The following MAPK4 variants were observed in gnomAD, a reference collection of about 807,000 sequenced individuals.
The protein encoded by MAPK4 is mitogen-activated protein kinase 4, also known as Erk3-related.
MAPK4 carries 22 observed loss-of-function variants against 47.7 expected under a neutral mutation model. The observed-to-expected ratio is 0.46, with a 90% CI of 0.33 to 0.66. The LOEUF is 0.66. Ranked by LOEUF, MAPK4 falls within the 30% of genes least tolerant of loss-of-function variation. MAPK4 has a pLI of 0.02. For missense variants in MAPK4, 736 were observed against 831.7 expected (o/e 0.88, Z 1.42); for synonymous variants, 390 against 365.7 (o/e 1.07, Z -0.76).
chr18:50,717,741 C>A (rs1468152946), intron 3 of MAPK4, among the ~76,000 whole-genome samples: 5 of 152,192 alleles, frequency 3.3e-5, no homozygotes, highest in Non-Finnish European at 7.3e-5. Flanking sequence ...CACGGGGAGC[C>A]GACAATCTCA....
At chr18:50,700,531 C>A (rs1295089630) in intron 2 of MAPK4, among the ~76,000 whole-genome samples, 2 of 152,196 alleles carry the variant, frequency 1.3e-5, no homozygotes, top group Non-Finnish European at 2.9e-5. Flanking sequence ...ACGCAAACAT[C>A]AGCACTCTTC....
intron 2 of MAPK4, among the ~76,000 whole-genome samples, chr18:50,692,998 G>A (rs1909312578): frequency 6.6e-6 from 1 of 152,210 alleles, no homozygotes; most frequent in African/African-American, 2.4e-5. Context: ...GCTCACGCCT[G>A]TAATCCCAGC....
chr18:50,595,803 G>A (rs2042476747), intron 1 of MAPK4, among the ~76,000 whole-genome samples: 2 of 152,170 alleles, frequency 1.3e-5, no homozygotes, highest in Non-Finnish European at 2.9e-5. Flanking sequence ...TATTAATGTA[G>A]ACTGAAATTA....
intron 1 of MAPK4, among the ~76,000 whole-genome samples, chr18:50,658,622 A>G (rs1220657484): frequency 2.6e-5 from 4 of 152,216 alleles, no homozygotes; most frequent in Non-Finnish European, 4.4e-5. Flanking sequence ...TTAAGATGCA[A>G]GTGGGGTTGC....
intron 1 of MAPK4, among the ~76,000 whole-genome samples, chr18:50,570,448 G>A (rs768008587): frequency 1.3e-5 from 2 of 152,206 alleles, no homozygotes; most frequent in Non-Finnish European, 2.9e-5. Context: ...GGGAAGTGTT[G>A]AGGCAGGAAG....
rs1911575816 is a variant in MAPK4 at position 50,731,752 on chromosome 18, A to C, written c.*1898A>C. The C allele has an allele frequency of 6.6e-6, 1 of 152,228 alleles. No homozygotes were observed. Among genetic ancestry groups the C allele is most frequent in the African/African-American group, 2.4e-5 (1 of 41,450 alleles). 9.4% of individuals were successfully genotyped at this position (152,228 alleles called of 1,614,324 possible). A position where few individuals can be genotyped will look rare whatever the true frequency, so the allele number is the denominator to read the frequency against. On this transcript the variant is annotated 3_prime_UTR_variant, in exon 6 of 6. Transcript: ENST00000400384. The stretch of plus-strand genomic sequence containing the variant: ...TACAGAGGAATTGTTATAACTACTA[A>C]TGTTTTTAAAAAATTTATTAAACAT...
In MAPK4 at chr18:50,663,937, G is replaced by C. The variant is rs372936554; in HGVS notation, c.-22G>C. The C allele has an allele frequency of 2.1e-5, 33 of 1,593,246 alleles. No individual in the cohort carries two copies. The highest frequency in any genetic ancestry group is 2.7e-5 in the Non-Finnish European group (31 of 1,167,528). On this transcript the variant is annotated 5_prime_UTR_variant, in exon 2 of 6. Transcript: ENST00000400384. ...TGACTGCCCCTGTGTTACCTGGGCA[G>C]CTCCAGATCACTGAGCCCACAATGG... is the stretch of plus-strand genomic sequence containing the variant.
At chr18:50,681,279 T>G (rs1294464063) in intron 2 of MAPK4, among the ~76,000 whole-genome samples, 2 of 152,180 alleles carry the variant, frequency 1.3e-5, no homozygotes, top group Admixed American at 1.3e-4. Flanking sequence ...ATTATAAAAG[T>G]TTTTTAAATA....
Position 50,697,595 on chromosome 18 carries a change from GAGA to G in MAPK4, c.547-17481_547-17479del, listed in dbSNP as rs1301873904. Reference sequence around the variant, plus strand: ...TGAAATCACTATAACATCTCTTTTAGAGAAGGAGGCAGGTGATCAGATCCACAG... The same window carrying G: ...TGAAATCACTATAACATCTCTTTTAGAGGAGGCAGGTGATCAGATCCACAG... On this transcript the variant is annotated intron_variant, in intron 2 of 5. Transcript: ENST00000400384. Among the ~76,000 whole-genome samples the G allele has an allele frequency of 2.0e-5, 3 of 152,160 alleles. No individual in the cohort carries two copies. In the East Asian group the frequency reaches 5.8e-4, roughly 29 times the overall value.
intron 2 of MAPK4, among the ~76,000 whole-genome samples, chr18:50,685,270 C>T (rs1908808435): frequency 2.0e-5 from 3 of 152,342 alleles, no homozygotes; most frequent in Admixed American, 6.5e-5. Context: ...CATCAGGGGC[C>T]TGGGTTCCAG....
chr18:50,687,189 T>A (rs1486457828), intron 2 of MAPK4, among the ~76,000 whole-genome samples: 1 of 152,064 alleles, frequency 6.6e-6, no homozygotes, highest in African/African-American at 2.4e-5. Context: ...GCCTGGCTAA[T>A]TTTTTTTCTA....
At chr18:50,599,370 A>G (rs1343631931) in intron 1 of MAPK4, among the ~76,000 whole-genome samples, 1 of 152,154 alleles carries the variant, frequency 6.6e-6, no homozygotes, top group African/African-American at 2.4e-5. Flanking sequence ...GTGACAATAT[A>G]TGCTTAATCC....
intron 1 of MAPK4, among the ~76,000 whole-genome samples, chr18:50,647,198 A>G (rs558830811): frequency 6.6e-6 from 1 of 152,346 alleles, no homozygotes; most frequent in Admixed American, 6.5e-5. Flanking sequence ...TCTTGATTTT[A>G]TTGCTATCCA....
intron 1 of MAPK4, among the ~76,000 whole-genome samples, chr18:50,660,257 G>A (rs983984130): frequency 6.6e-6 from 1 of 152,320 alleles, no homozygotes; most frequent in East Asian, 1.9e-4. Context: ...TCAGACAAGA[G>A]GCTGCCTGAT....
At chr18:50,641,341 A>C (rs1167132317) in intron 1 of MAPK4, among the ~76,000 whole-genome samples, 1 of 146,940 alleles carries the variant, frequency 6.8e-6, no homozygotes, top group Non-Finnish European at 1.5e-5. Context: ...AAGTTCATAC[A>C]GGTTTGTAGA....
intron 1 of MAPK4, among the ~76,000 whole-genome samples, chr18:50,615,288 A>C (rs1483742721): frequency 6.6e-6 from 1 of 152,084 alleles, no homozygotes; most frequent in Non-Finnish European, 1.5e-5. Flanking sequence ...TGCAGCCCCG[A>C]ATATTAGTTG....
intron 4 of MAPK4, among the ~76,000 whole-genome samples, chr18:50,724,809 C>G (rs3794903): frequency 6.6e-6 from 1 of 152,200 alleles, no homozygotes; most frequent in Non-Finnish European, 1.5e-5. Context: ...GGGAGCTCCT[C>G]GGAGGGATGG....
intron 1 of MAPK4, among the ~76,000 whole-genome samples, chr18:50,644,404 G>A (rs1257241837): frequency 6.6e-6 from 1 of 152,046 alleles, no homozygotes; most frequent in Non-Finnish European, 1.5e-5. Context: ...GGTATCTGGA[G>A]GGCCCCAAGC....
At chr18:50,564,150 G>T (rs899106908) in intron 1 of MAPK4, among the ~76,000 whole-genome samples, 11 of 152,208 alleles carry the variant, frequency 7.2e-5, no homozygotes, top group Admixed American at 2.0e-4. Flanking sequence ...AAGTCAGGTA[G>T]TGGCTCTCTG....
Sources: allele counts gnomAD v4.1 joint callset (sites outside exome capture counted in the v4.1 genomes callset), GRCh38; gene constraint gnomAD v4.1.1; transcripts MANE v1.5; gene names NCBI Gene and HGNC (gene_info 2026-07-23, HGNC 2026-07-21).